FLRT2: variants seen among roughly 807,000 people sequenced by gnomAD.
FLRT2 encodes the protein fibronectin leucine rich transmembrane protein 2.
Under a neutral mutation model 40.0 loss-of-function variants are expected in FLRT2, and 15 were observed. That is an observed-to-expected ratio of 0.38 (90% CI 0.25 to 0.58). The LOEUF (loss-of-function observed/expected upper bound fraction) is 0.58, where lower values mean the gene tolerates loss of function less well. FLRT2 is among the 20% of genes least tolerant of loss of function. The pLI is 0.71. For missense variants in FLRT2, 726 were observed against 840.0 expected (o/e 0.86, Z 1.68); for synonymous variants, 380 against 336.8 (o/e 1.13, Z -1.41).
Position 85,625,572 on chromosome 14 carries a change from G to T in FLRT2, c.*2075G>T. ...TTTAAATTAATTCTAAAGTGACTCT[G>T]GTTTCCATTTTAGTCTATTAGCTAG... is the stretch of plus-strand genomic sequence containing the variant. On this transcript the variant is annotated 3_prime_UTR_variant, in exon 2 of 2. Coordinates refer to ENST00000330753, the MANE Select transcript of FLRT2 (RefSeq NM_013231.6). The T allele has an allele frequency of 6.0e-6, 1 of 167,030 alleles. No homozygotes were observed. Among genetic ancestry groups the T allele is most frequent in the East Asian group, 1.9e-4 (1 of 5,192 alleles). 10.3% of individuals were successfully genotyped at this position (167,030 alleles called of 1,614,324 possible).
At chr14:85,595,537 C>T (rs1892098521) in intron 1 of FLRT2, among the ~76,000 whole-genome samples, 1 of 151,162 alleles carries the variant, frequency 6.6e-6, no homozygotes, top group African/African-American at 2.4e-5. Context: ...TATATATGTG[C>T]TTGTTTGTTA....
chr14:85,532,615 C>T (rs1422833994), intron 1 of FLRT2, among the ~76,000 whole-genome samples: 1 of 152,106 alleles, frequency 6.6e-6, no homozygotes, highest in African/African-American at 2.4e-5. Context: ...AACGCTCTTG[C>T]CAGAAGCAGC....
chr14:85,590,936 AC>A (rs1891855999), intron 1 of FLRT2, among the ~76,000 whole-genome samples: 1 of 152,146 alleles, frequency 6.6e-6, no homozygotes, highest in Non-Finnish European at 1.5e-5. Flanking sequence ...TGCTTGGGAT[AC>A]ATGTTCACTG....
At chr14:85,551,398 T>C (rs1315201792) in intron 1 of FLRT2, among the ~76,000 whole-genome samples, 1 of 152,174 alleles carries the variant, frequency 6.6e-6, no homozygotes, top group African/African-American at 2.4e-5. Context: ...GGCACAGGCA[T>C]GCCACTGGTG....
chr14:85,540,373 A>G (rs1888914876), intron 1 of FLRT2, among the ~76,000 whole-genome samples: 1 of 152,176 alleles, frequency 6.6e-6, no homozygotes, highest in Non-Finnish European at 1.5e-5. Flanking sequence ...AGTTCTTTAC[A>G]GTGTATTTCT....
intron 1 of FLRT2, among the ~76,000 whole-genome samples, chr14:85,605,405 T>A (rs1190957681): frequency 6.6e-6 from 1 of 152,224 alleles, no homozygotes; most frequent in Admixed American, 6.5e-5. Context: ...TTATATAGTG[T>A]ACATGTTACC....
intron 1 of FLRT2, among the ~76,000 whole-genome samples, chr14:85,571,165 A>T (rs549961006): frequency 7.9e-5 from 12 of 152,218 alleles, no homozygotes; most frequent in African/African-American, 2.4e-4. Context: ...TCAGCCCTGG[A>T]TGATATCTGT....
At chr14:85,604,817 G>T (rs948965050) in intron 1 of FLRT2, among the ~76,000 whole-genome samples, 83 of 152,154 alleles carry the variant, frequency 5.5e-4, no homozygotes, top group Non-Finnish European at 5.9e-5. Context: ...GAAGAAATTA[G>T]TCTTTCCTGC....
At chr14:85,607,726 A>G (rs1892685025) in intron 1 of FLRT2, among the ~76,000 whole-genome samples, 1 of 152,166 alleles carries the variant, frequency 6.6e-6, no homozygotes, top group Non-Finnish European at 1.5e-5. Context: ...TAGTTGTGGC[A>G]TGCTTGTCTT....
intron 1 of FLRT2, 124 bp downstream of exon 1, chr14:85,530,658 G>C (rs899005701): frequency 1.3e-5 from 2 of 152,350 alleles, no homozygotes; most frequent in Non-Finnish European, 2.9e-5. Flanking sequence ...GTCATCTTAA[G>C]TGGGGTGCTC....
intron 1 of FLRT2, among the ~76,000 whole-genome samples, chr14:85,589,378 T>G (rs1891780696): frequency 6.6e-6 from 1 of 152,196 alleles, no homozygotes; most frequent in Non-Finnish European, 1.5e-5. Context: ...GTTGAGCACC[T>G]TTTCATATGC....
chr14:85,605,192 G>T (rs1029506459), intron 1 of FLRT2, among the ~76,000 whole-genome samples: 4 of 152,084 alleles, frequency 2.6e-5, no homozygotes, highest in African/African-American at 9.7e-5. Context: ...ACCATTTAGG[G>T]AGCCCAGAGT....
At chr14:85,563,333 C>G (rs1890458220) in intron 1 of FLRT2, among the ~76,000 whole-genome samples, 2 of 152,158 alleles carry the variant, frequency 1.3e-5, no homozygotes, top group South Asian at 4.1e-4. Flanking sequence ...TAACAAATGC[C>G]AGATACATTG....
At chr14:85,560,795 G>A (rs547936746) in intron 1 of FLRT2, 7 of 150,800 alleles carry the variant, frequency 4.6e-5, no homozygotes, top group South Asian at 2.1e-4. Context: ...GCCTGCCTGC[G>A]TTAGGGTCTC....
chr14:85,582,324 C>A (rs187663469), intron 1 of FLRT2, among the ~76,000 whole-genome samples: 1 of 152,032 alleles, frequency 6.6e-6, no homozygotes, highest in African/African-American at 2.4e-5. Context: ...GTGAAAGTGA[C>A]GGAAAGCTTG....
Position 85,632,513 on chromosome 14 carries a change from A to C in FLRT2, c.*9016A>C, listed in dbSNP as rs1441819061. The C allele has an allele frequency of 6.6e-6, 1 of 151,868 alleles. No homozygotes were observed. 9.4% of individuals were successfully genotyped at this position (151,868 alleles called of 1,614,324 possible). A position where few individuals can be genotyped will look rare whatever the true frequency, so the allele number is the denominator to read the frequency against. On this transcript the variant is annotated 3_prime_UTR_variant, in exon 2 of 2. Transcript: ENST00000330753. ...CTTGCAACAAAATATCGCCATCATG[A>C]AAAGTCCACAAAGCACAAGTAGACA...
chr14:85,563,023 A>G (rs1027030889), intron 1 of FLRT2: 2 of 151,134 alleles, frequency 1.3e-5, no homozygotes, highest in African/African-American at 4.9e-5. Context: ...TTGTATATGT[A>G]AATAAATAAT....
chr14:85,628,740 A>G lies in FLRT2; in HGVS notation c.*5243A>G, dbSNP rs184322036. The G allele has an allele frequency of 1.3e-5, 2 of 152,344 alleles. No homozygotes were observed. The highest frequency in any genetic ancestry group is 2.1e-4 in the South Asian group (1 of 4,824). The allele number at this position is 152,344 out of a possible 1,614,324, so 9.4% of individuals were successfully genotyped here. A position where few individuals can be genotyped will look rare whatever the true frequency, so the allele number is the denominator to read the frequency against. ...TCTGTTGGAACATTGACTATGAAAG[A>G]CAGTGCTAACAAGTAATTCATATTA... On this transcript the variant is annotated 3_prime_UTR_variant, in exon 2 of 2. Coordinates refer to ENST00000330753, the MANE Select transcript of FLRT2 (RefSeq NM_013231.6).
In FLRT2 at chr14:85,570,880, C is replaced by T. The variant is rs374814933; in HGVS notation, c.-377+40346C>T. ...GATTACAGGCGTGAGCCACCACGCC[C>T]GGCCAAATTCCCCTTATTTTTTAAA... On this transcript the variant is annotated intron_variant, in intron 1 of 1. Transcript: ENST00000330753. 4.7e-4 allele frequency among the ~76,000 whole-genome samples: 69 copies of T among 145,520 alleles called. No homozygotes were observed. The South Asian group carries it at 9.7e-3, about 20-fold the overall frequency.
Sources: gnomAD v4.1 joint callset for allele counts (sites outside exome capture counted in the v4.1 genomes callset) on GRCh38, gnomAD v4.1.1 for gene constraint, MANE v1.5 for transcripts, NCBI Gene and HGNC (gene_info 2026-07-23, HGNC 2026-07-21) for gene names.